Variants in DLGAP2 observed in about 807,000 individuals in gnomAD.
DLGAP2 encodes the protein DLG associated protein 2, also known as disks large-associated protein 2.
DLGAP2 carries 26 observed loss-of-function variants against 100.3 expected under a neutral mutation model. The ratio of observed to expected loss-of-function variants is 0.26; its 90% CI spans 0.19 to 0.36. The LOEUF is 0.36. Ranked by LOEUF, DLGAP2 falls within the 10% of genes least tolerant of loss-of-function variation. The pLI, the probability that DLGAP2 is intolerant of heterozygous loss-of-function variation, is 1.00. For synonymous variants in DLGAP2, 886 were observed against 630.1 expected (o/e 1.41, Z -6.08); for missense variants, 1,858 against 1,453.2 (o/e 1.28, Z -4.53).
At chr8:1,368,058 G>A (rs974614301) in intron 3 of DLGAP2, among the ~76,000 whole-genome samples, 1 of 152,214 alleles carries the variant, frequency 6.6e-6, no homozygotes, top group African/African-American at 2.4e-5. Context: ...ATTTTAACGT[G>A]CATACCTATC....
intron 8 of DLGAP2, among the ~76,000 whole-genome samples, chr8:1,646,738 C>T (rs1050354158): frequency 6.6e-6 from 1 of 152,176 alleles, no homozygotes; most frequent in African/African-American, 2.4e-5. Flanking sequence ...TCTCTGCTGA[C>T]AGGTCGAGGC....
chr8:893,952 C>T (rs1351068394), intron 1 of DLGAP2, among the ~76,000 whole-genome samples: 1 of 152,238 alleles, frequency 6.6e-6, no homozygotes, highest in East Asian at 1.9e-4. Context: ...CCGAGTAGCT[C>T]AGCCTTCTCT....
intron 2 of DLGAP2, among the ~76,000 whole-genome samples, chr8:1,163,196 G>C (rs1796925353): frequency 6.6e-6 from 1 of 152,242 alleles, no homozygotes; most frequent in Non-Finnish European, 1.5e-5. Context: ...CCACTGACGT[G>C]TCTGTGCCAG....
intron 2 of DLGAP2, among the ~76,000 whole-genome samples, chr8:1,085,477 T>G (rs931147749): frequency 3.3e-5 from 5 of 152,210 alleles, no homozygotes; most frequent in African/African-American, 1.2e-4. Flanking sequence ...CCTCTAGTAG[T>G]TTTGCAGTTT....
At chr8:1,412,209 A>T (rs1275810194) in intron 3 of DLGAP2, among the ~76,000 whole-genome samples, 1 of 151,978 alleles carries the variant, frequency 6.6e-6, no homozygotes, top group African/African-American at 2.4e-5. Flanking sequence ...CAGCACTGGG[A>T]CTTTTATGCT....
chr8:1,172,263 T>C lies in DLGAP2; in HGVS notation c.74-86588T>C, dbSNP rs1361086208. Among the ~76,000 whole-genome samples the C allele has an allele frequency of 8.5e-5, 13 of 152,358 alleles. No individual in the cohort carries two copies. In the East Asian group the frequency reaches 2.5e-3, roughly 29 times the overall value. ...TCTGCCTAGAGATCAGCTGTTAGTC[T>C]GATGGGCTTCCCTTTGTGGGTAACC... On this transcript the variant is annotated intron_variant, in intron 2 of 14. Transcript: ENST00000637795.
At chr8:1,030,586 T>C (rs552078993) in intron 2 of DLGAP2, among the ~76,000 whole-genome samples, 2 of 152,370 alleles carry the variant, frequency 1.3e-5, no homozygotes, top group East Asian at 3.8e-4. Flanking sequence ...ATATTTTTCA[T>C]GTTTAAGCTT....
chr8:834,085 C>T (rs1289698639), intron 1 of DLGAP2, among the ~76,000 whole-genome samples: 3 of 152,158 alleles, frequency 2.0e-5, no homozygotes, highest in African/African-American at 7.2e-5. Flanking sequence ...GAAACCAGGG[C>T]TGAATCACGT....
chr8:1,313,968 A>T (rs1406186076), intron 3 of DLGAP2, among the ~76,000 whole-genome samples: 4 of 152,200 alleles, frequency 2.6e-5, no homozygotes, highest in Non-Finnish European at 5.9e-5. Context: ...TCAGATTTTT[A>T]AAATTACAAT....
At chr8:1,469,749 A>G (rs76306592) in intron 3 of DLGAP2, among the ~76,000 whole-genome samples, 151 of 152,290 alleles carry the variant, frequency 9.9e-4, no homozygotes, top group African/African-American at 3.6e-3. Context: ...AACCAACCCC[A>G]GAAATGGGCC....
intron 1 of DLGAP2, among the ~76,000 whole-genome samples, chr8:767,360 T>C (rs1821241430): frequency 6.7e-6 from 1 of 150,292 alleles, no homozygotes; most frequent in Admixed American, 6.6e-5. Flanking sequence ...TTTTTTTTTT[T>C]TTTTTTTTGA....
intron 3 of DLGAP2, among the ~76,000 whole-genome samples, chr8:1,307,614 G>T (rs1263618070): frequency 6.6e-6 from 1 of 152,192 alleles, no homozygotes; most frequent in Non-Finnish European, 1.5e-5. Context: ...AGCAGCCCAC[G>T]TGTGCAATAG....
chr8:1,699,764 G>C (rs1363688460), intron 14 of DLGAP2, among the ~76,000 whole-genome samples: 1 of 152,160 alleles, frequency 6.6e-6, no homozygotes, highest in African/African-American at 2.4e-5. Context: ...AAATTCCCTG[G>C]GATGGGCCCT....
At chr8:1,456,084 G>C (rs1482457093) in intron 3 of DLGAP2, among the ~76,000 whole-genome samples, 3 of 152,208 alleles carry the variant, frequency 2.0e-5, no homozygotes, top group Admixed American at 1.3e-4. Context: ...GTCCCTCCCA[G>C]CAGCTTTCGA....
intron 1 of DLGAP2, among the ~76,000 whole-genome samples, chr8:893,638 G>A (rs1013962715): frequency 6.6e-6 from 1 of 152,220 alleles, no homozygotes; most frequent in African/African-American, 2.4e-5. Flanking sequence ...TGCAGTGAGG[G>A]AAGTCCGTTA....
At chr8:1,070,529 A>G (rs1803394992) in intron 2 of DLGAP2, among the ~76,000 whole-genome samples, 3 of 152,320 alleles carry the variant, frequency 2.0e-5, no homozygotes, top group South Asian at 4.1e-4. Context: ...GCTCTGAAAT[A>G]TCTCACAGGT....
At chr8:879,458 G>T (rs150342271) in intron 1 of DLGAP2, among the ~76,000 whole-genome samples, 2 of 152,168 alleles carry the variant, frequency 1.3e-5, no homozygotes, top group African/African-American at 4.8e-5. Context: ...GGTGTTGAGC[G>T]CTAGGCTCAG....
At chr8:1,507,756 C>A (rs1799978806) in intron 4 of DLGAP2, among the ~76,000 whole-genome samples, 1 of 152,094 alleles carries the variant, frequency 6.6e-6, no homozygotes, top group African/African-American at 2.4e-5. Flanking sequence ...GGTCCTCAGC[C>A]ACCGAGTCTT....
At chr8:1,259,171 G>A (rs1471510062) in intron 3 of DLGAP2, among the ~76,000 whole-genome samples, 2 of 152,196 alleles carry the variant, frequency 1.3e-5, no homozygotes, top group Non-Finnish European at 2.9e-5. Flanking sequence ...TTTCTGTGAG[G>A]TAACAGATGC....
Sources: gnomAD v4.1 joint callset for allele counts (sites outside exome capture counted in the v4.1 genomes callset) on GRCh38, gnomAD v4.1.1 for gene constraint, MANE v1.5 for transcripts, NCBI Gene and HGNC (gene_info 2026-07-23, HGNC 2026-07-21) for gene names.